Variants in ENOX1 observed in about 807,000 individuals in gnomAD.
ENOX1 encodes ecto-NOX disulfide-thiol exchanger 1.
A neutral mutation model predicts 82.5 loss-of-function variants in ENOX1; 42 were observed. That is an observed-to-expected ratio of 0.51 (90% CI 0.40 to 0.66). ENOX1 has a LOEUF of 0.66. ENOX1 is among the 30% of genes least tolerant of loss of function. The probability of loss-of-function intolerance (pLI) is 0.00; values close to 1 mark genes in which losing one functional copy is unlikely to be tolerated. For missense variants in ENOX1, 608 were observed against 811.6 expected (o/e 0.75, Z 3.05); for synonymous variants, 271 against 282.2 (o/e 0.96, Z 0.40).
chr13:43,398,999 G>T (rs1334587177), intron 5 of ENOX1, among the ~76,000 whole-genome samples: 1 of 151,144 alleles, frequency 6.6e-6, no homozygotes, highest in Non-Finnish European at 1.5e-5. Context: ...CCACCATGTT[G>T]GTTAGACTGA....
chr13:43,463,934 T>G (rs1230120399), intron 3 of ENOX1, among the ~76,000 whole-genome samples: 2 of 152,220 alleles, frequency 1.3e-5, no homozygotes, highest in African/African-American at 4.8e-5. Flanking sequence ...GCAGGTACTG[T>G]GCTTGACATT....
At chr13:43,298,669 G>C in intron 11 of ENOX1, 139 bp from the exon 12 acceptor site, 1 of 655,086 alleles carries the variant, frequency 1.5e-6, no homozygotes, top group Non-Finnish European at 2.5e-6. Context: ...GCCACTCCCT[G>C]GGCCTCTCTT....
chr13:43,322,543 T>A (rs189898950), intron 10 of ENOX1, 42 bp from the exon 11 acceptor site: 1 of 1,534,608 alleles, frequency 6.5e-7, no homozygotes, highest in East Asian at 2.3e-5. Flanking sequence ...CACAGACACA[T>A]ATGGCTTTCC....
chr13:43,726,270 G>A (rs980049358), intron 1 of ENOX1, among the ~76,000 whole-genome samples: 20 of 144,684 alleles, frequency 1.4e-4, no homozygotes, highest in African/African-American at 5.0e-4. Context: ...GCTTGAGTGT[G>A]CAGTGGTGTG....
chr13:43,461,580 C>CCCCA (rs1246409417), intron 3 of ENOX1, among the ~76,000 whole-genome samples: 3 of 152,160 alleles, frequency 2.0e-5, no homozygotes, highest in African/African-American at 4.8e-5. Flanking sequence ...AGGCAAATGA[C>CCCCA]CCCACCGCCA....
rs181091673 is a variant in ENOX1, at chr13:43,636,767, C to A, written c.-219+30712G>T. Among the ~76,000 whole-genome samples, 15 of 152,226 alleles carry A rather than the reference C, an allele frequency of 9.9e-5. No homozygotes were observed. The East Asian group carries it at 2.5e-3, about 25-fold the overall frequency. ...AACAGTGCTAAGGAGAGGAGGAAAT[C>A]AGCCACTGAAGAAATTCTGGGACAC... is the stretch of plus-strand genomic sequence containing the variant. On this transcript the variant is annotated intron_variant, in intron 2 of 16. Transcript: ENST00000690772.
chr13:43,689,468 A>G (rs1193673995), intron 1 of ENOX1, among the ~76,000 whole-genome samples: 4 of 152,224 alleles, frequency 2.6e-5, no homozygotes, highest in Non-Finnish European at 4.4e-5. Context: ...TTAAGCACTG[A>G]GCACATCTCT....
At chr13:43,387,247 T>A (rs938848280) in intron 5 of ENOX1, among the ~76,000 whole-genome samples, 5 of 152,064 alleles carry the variant, frequency 3.3e-5, no homozygotes, top group African/African-American at 1.2e-4. Context: ...TGTAGGAGAG[T>A]TACCTGGGGT....
chr13:43,316,491 T>A (rs969000752), intron 11 of ENOX1, among the ~76,000 whole-genome samples: 1 of 152,190 alleles, frequency 6.6e-6, no homozygotes, highest in Non-Finnish European at 1.5e-5. Flanking sequence ...AAAGACAGTT[T>A]AGGCTCCAAG....
intron 2 of ENOX1, among the ~76,000 whole-genome samples, chr13:43,595,213 G>A (rs2081409641): frequency 6.6e-6 from 1 of 151,372 alleles, no homozygotes; most frequent in African/African-American, 2.4e-5. Context: ...GGACCCAAAT[G>A]AGGTATAGAT....
intron 14 of ENOX1, among the ~76,000 whole-genome samples, chr13:43,244,626 G>C (rs1374374476): frequency 6.6e-6 from 1 of 152,176 alleles, no homozygotes; most frequent in Non-Finnish European, 1.5e-5. Context: ...AACATACTGA[G>C]TGACATCACC....
At chr13:43,323,250 C>T (rs1003992622) in intron 10 of ENOX1, among the ~76,000 whole-genome samples, 10 of 152,168 alleles carry the variant, frequency 6.6e-5, no homozygotes, top group African/African-American at 1.7e-4. Flanking sequence ...GTATTGCACA[C>T]GGTCATGTTG....
At chr13:43,374,457 G>T (rs750928032) in intron 5 of ENOX1, among the ~76,000 whole-genome samples, 6 of 151,836 alleles carry the variant, frequency 4.0e-5, no homozygotes, top group African/African-American at 7.3e-5. Flanking sequence ...TGTTGCCCAG[G>T]TTGGTCTCAA....
chr13:43,274,640 G>A (rs1018614007), intron 12 of ENOX1, among the ~76,000 whole-genome samples: 10 of 152,206 alleles, frequency 6.6e-5, no homozygotes, highest in Admixed American at 1.3e-4. Flanking sequence ...TGATGGCAGC[G>A]TAATTTTAAC....
chr13:43,707,008 A>G (rs1330179001), intron 1 of ENOX1, among the ~76,000 whole-genome samples: 2 of 152,138 alleles, frequency 1.3e-5, no homozygotes, highest in Non-Finnish European at 2.9e-5. Context: ...TACAGTGAAA[A>G]TTTTAAGGAA....
chr13:43,768,233 A>T (rs1474017396), intron 1 of ENOX1, among the ~76,000 whole-genome samples: 1 of 152,210 alleles, frequency 6.6e-6, no homozygotes, highest in East Asian at 1.9e-4. Flanking sequence ...AACCCAAAAA[A>T]CCATAGCAGA....
chr13:43,425,148 A>T (rs2055216940), intron 3 of ENOX1, among the ~76,000 whole-genome samples: 1 of 152,080 alleles, frequency 6.6e-6, no homozygotes, highest in South Asian at 2.1e-4. Flanking sequence ...AATCCTGGTT[A>T]TTTCTTGGTA....
At chr13:43,701,234 T>C (rs185400278) in intron 1 of ENOX1, among the ~76,000 whole-genome samples, 40 of 152,312 alleles carry the variant, frequency 2.6e-4, no homozygotes, top group Non-Finnish European at 4.6e-4. Context: ...TTTGTACACG[T>C]GCATTTGTAA....
chr13:43,240,514 GATGATGACAGTCAA>G (rs976912382), intron 14 of ENOX1, among the ~76,000 whole-genome samples: 1 of 151,992 alleles, frequency 6.6e-6, no homozygotes, highest in African/African-American at 2.4e-5. Flanking sequence ...TTTGCCTTTT[GATGATGACAGTCAA>G]AACCCATGCA....
Sources: allele counts gnomAD v4.1 joint callset (sites outside exome capture counted in the v4.1 genomes callset), GRCh38; gene constraint gnomAD v4.1.1; transcripts MANE v1.5; gene names NCBI Gene and HGNC (gene_info 2026-07-23, HGNC 2026-07-21).